KCNU1: variants seen among roughly 807,000 people sequenced by gnomAD.
KCNU1 encodes the protein potassium channel subfamily U member 1.
In KCNU1, 93 loss-of-function variants were observed where a neutral mutation model predicts 126.8. That is an observed-to-expected ratio of 0.73 (90% CI 0.62 to 0.87). The LOEUF (loss-of-function observed/expected upper bound fraction) is 0.87, where lower values mean the gene tolerates loss of function less well. KCNU1 is among the 40% of genes least tolerant of loss of function. The pLI, the probability that KCNU1 is intolerant of heterozygous loss-of-function variation, is 0.00. For synonymous variants in KCNU1, 523 were observed against 494.2 expected, an observed-to-expected ratio of 1.06 and a Z score of -0.77; for missense variants, 1,330 against 1,367.1, an observed-to-expected ratio of 0.97 and a Z score of 0.43.
chr8:36,888,977 C>G, intron 19 of KCNU1: 1 of 399,482 alleles, frequency 2.5e-6, no homozygotes, highest in Non-Finnish European at 5.1e-6. Context: ...CTCCTTTGTT[C>G]AAGTGATTCT....
intron 19 of KCNU1, among the ~76,000 whole-genome samples, chr8:36,905,309 A>T (rs1365458702): frequency 6.6e-6 from 1 of 152,168 alleles, no homozygotes; most frequent in Non-Finnish European, 1.5e-5. Context: ...GGAGAGAAAT[A>T]TCACCCATGA....
At chr8:36,816,479 C>G (rs1474433527) in intron 9 of KCNU1, among the ~76,000 whole-genome samples, 1 of 152,046 alleles carries the variant, frequency 6.6e-6, no homozygotes, top group Admixed American at 6.6e-5. Flanking sequence ...TGGATGAAAA[C>G]TTTAATTGAC....
At chr8:36,847,049 G>T (rs985049287) in intron 18 of KCNU1, among the ~76,000 whole-genome samples, 2 of 152,046 alleles carry the variant, frequency 1.3e-5, no homozygotes, top group African/African-American at 2.4e-5. Flanking sequence ...ATTAACTTTG[G>T]TCTGTAATTG....
chr8:36,815,491 G>A, intron 8 of KCNU1, 105 bp from the exon 9 acceptor site: 2 of 568,168 alleles, frequency 3.5e-6, no homozygotes, highest in Non-Finnish European at 6.2e-6. Flanking sequence ...GCTCTTAGAT[G>A]ACAGAAAGTT....
At chr8:36,822,506 T>G (rs1318986502) in intron 10 of KCNU1, among the ~76,000 whole-genome samples, 1 of 152,140 alleles carries the variant, frequency 6.6e-6, no homozygotes, top group African/African-American at 2.4e-5. Context: ...AGCTACAAGG[T>G]TCTTGTAAGA....
intron 10 of KCNU1, among the ~76,000 whole-genome samples, chr8:36,825,630 G>A (rs1804291069): frequency 1.3e-5 from 2 of 152,144 alleles, no homozygotes; most frequent in African/African-American, 4.8e-5. Context: ...GGCTTTTAGT[G>A]TAAGTGTCAC....
In KCNU1 at chr8:36,861,947, A is replaced by AT. The variant is rs112331086; in HGVS notation, c.1892-2451dup. Among the ~76,000 whole-genome samples, 318 of 151,982 alleles carry AT rather than the reference A, an allele frequency of 2.1e-3. 12 individuals carry two copies. The highest frequency in any genetic ancestry group is 7.3e-3 in the African/African-American group (302 of 41,480). Reference sequence around the variant, plus strand: ...TGGCCATGTATTTAGAAGGACTTTCATTTTTTCTAGTCATTTACAGGTCTC... The same window carrying AT: ...TGGCCATGTATTTAGAAGGACTTTCATTTTTTTCTAGTCATTTACAGGTCTC... On this transcript the variant is annotated intron_variant, in intron 18 of 26. Transcript: ENST00000399881.
chr8:36,892,943 C>T (rs1807026275), intron 19 of KCNU1, among the ~76,000 whole-genome samples: 1 of 151,668 alleles, frequency 6.6e-6, no homozygotes, highest in Non-Finnish European at 1.5e-5. Flanking sequence ...CTTTTAATAC[C>T]CTCTATAGAA....
At position 36,833,568 on chromosome 8, in the gene KCNU1, T is replaced by G; in HGVS notation, c.1121T>G (p.Leu374Trp). The change falls in exon 11 of 27, where the codon TTG (leucine) becomes TGG (tryptophan). Residue 374 changes from leucine (L) to tryptophan (W), a missense_variant. By Grantham distance (61) the Leu-to-Trp change is moderately conservative (BLOSUM62 -2). Coordinates refer to ENST00000399881, the MANE Select transcript of KCNU1 (RefSeq NM_001031836.3). ...TTTTTGTCCAGAACCCCTCCTTCTT[T>G]GGAACTTGAAACCATATTTAAATGC... is the stretch of plus-strand genomic sequence containing the variant. ...IVFLGETPPS[L>W]ELETIFKCYL... 6.2e-7 allele frequency: 1 copy of G among 1,608,806 alleles called. No individual in the cohort carries two copies. The highest frequency in any genetic ancestry group is 8.5e-7 in the Non-Finnish European group (1 of 1,175,594).
intron 12 of KCNU1, among the ~76,000 whole-genome samples, chr8:36,836,012 G>GA (rs1265007575): frequency 6.6e-6 from 1 of 152,112 alleles, no homozygotes; most frequent in African/African-American, 2.4e-5. Context: ...GCTAAAACAT[G>GA]AAACTGTTGA....
intron 19 of KCNU1, among the ~76,000 whole-genome samples, chr8:36,892,349 A>G (rs1007015818): frequency 6.6e-6 from 1 of 151,922 alleles, no homozygotes; most frequent in Non-Finnish European, 1.5e-5. Flanking sequence ...TTTTGTATTC[A>G]GTGCTATATT....
intron 23 of KCNU1, among the ~76,000 whole-genome samples, chr8:36,921,707 GT>G (rs1808356488): frequency 1.3e-5 from 2 of 150,918 alleles, no homozygotes; most frequent in Admixed American, 6.6e-5. Flanking sequence ...AAGGCAGCCT[GT>G]GCATCTCTTC....
intron 18 of KCNU1, among the ~76,000 whole-genome samples, chr8:36,860,952 C>T (rs1470998040): frequency 2.7e-5 from 4 of 150,292 alleles, no homozygotes; most frequent in Non-Finnish European, 5.9e-5. Flanking sequence ...ATTAATTGAC[C>T]TTTTTAAGGA....
At position 36,857,980 on chromosome 8, in the gene KCNU1, C is replaced by T. The variant is rs138881110; in HGVS notation, c.1892-6424C>T. Among the ~76,000 whole-genome samples the T allele has an allele frequency of 5.1e-3, 769 of 152,130 alleles. 4 individuals are homozygous for T. The highest frequency in any genetic ancestry group is 8.0e-3 in the Non-Finnish European group (543 of 67,982). Reference sequence around the variant, plus strand: ...CTTCATTTGCTATATGTTCACAGAACAATTTCTAGAGATTTTCAATGTGTG... The same window carrying T: ...CTTCATTTGCTATATGTTCACAGAATAATTTCTAGAGATTTTCAATGTGTG... On this transcript the variant is annotated intron_variant, in intron 18 of 26. Coordinates refer to ENST00000399881, the MANE Select transcript of KCNU1 (RefSeq NM_001031836.3).
At chr8:36,819,244 A>T (rs1016792068) in intron 10 of KCNU1, among the ~76,000 whole-genome samples, 3 of 152,094 alleles carry the variant, frequency 2.0e-5, no homozygotes, top group African/African-American at 7.2e-5. Context: ...GATATTTTTA[A>T]CCTAGTGTTA....
At chr8:36,869,890 G>T (rs534364513) in intron 19 of KCNU1, among the ~76,000 whole-genome samples, 2 of 152,128 alleles carry the variant, frequency 1.3e-5, no homozygotes, top group Non-Finnish European at 2.9e-5. Flanking sequence ...TTTTAGTGGA[G>T]AGGTTACAGA....
intron 18 of KCNU1, among the ~76,000 whole-genome samples, chr8:36,851,647 T>G (rs1355462626): frequency 6.6e-6 from 1 of 152,196 alleles, no homozygotes; most frequent in Non-Finnish European, 1.5e-5. Flanking sequence ...AAACAGTGTT[T>G]TATAGTTTTC....
At chr8:36,879,213 A>ATG (rs1806382944) in intron 19 of KCNU1, among the ~76,000 whole-genome samples, 1 of 116,772 alleles carries the variant, frequency 8.6e-6, no homozygotes. Flanking sequence ...GTGTGTGTGT[A>ATG]TATATATATA....
Position 36,806,073 on chromosome 8 carries a change from A to T in KCNU1, c.469-196A>T, listed in dbSNP as rs192497544. Reference sequence around the variant, plus strand: ...TGGTCAGGCTGGTCTCAAACTCCTGACCTCAAGCTATCTGCCTGCCTTGGC... The same window carrying T: ...TGGTCAGGCTGGTCTCAAACTCCTGTCCTCAAGCTATCTGCCTGCCTTGGC... On this transcript the variant is annotated intron_variant, in intron 4 of 26. Transcript: ENST00000399881. Among the ~76,000 whole-genome samples the T allele has an allele frequency of 2.2e-4, 33 of 152,068 alleles. No homozygotes were observed. In the East Asian group the frequency reaches 6.2e-3, roughly 29 times the overall value.
Sources: gnomAD v4.1 joint callset for allele counts (sites outside exome capture counted in the v4.1 genomes callset) on GRCh38, gnomAD v4.1.1 for gene constraint, MANE v1.5 for transcripts, NCBI Gene and HGNC (gene_info 2026-07-23, HGNC 2026-07-21) for gene names.